The following FBXO32 variants were observed in gnomAD, a reference collection of about 807,000 sequenced individuals.
FBXO32 encodes the protein F-box only protein 32.
FBXO32 carries 15 observed loss-of-function variants against 48.3 expected under a neutral mutation model. The ratio of observed to expected loss-of-function variants is 0.31; its 90% confidence interval spans 0.21 to 0.48. The LOEUF (loss-of-function observed/expected upper bound fraction) is 0.48, where lower values mean the gene tolerates loss of function less well. FBXO32 is among the 20% of genes least tolerant of loss of function. The pLI is 0.99. For synonymous variants in FBXO32, 154 were observed against 165.9 expected (o/e 0.93, Z 0.55); for missense variants, 309 against 432.7 (o/e 0.71, Z 2.54).
rs779840594 is a variant in FBXO32, at chr8:123,514,348, A to G, written c.373-15T>C. 2.6e-5 allele frequency: 41 copies of G among 1,603,810 alleles called. No individual in the cohort carries two copies. Among genetic ancestry groups the G allele is most frequent in the Non-Finnish European group, 3.5e-5 (41 of 1,174,248 alleles). On this transcript the variant is annotated splice_polypyrimidine_tract_variant and intron_variant, in intron 4 of 8. Transcript: ENST00000517956. Reference sequence around the variant, plus strand: ...AGCTCCAACAGCTGAGGATAAAAATAGAAGTTGCCAGGCTTAGAGTACAGA... The same window carrying G: ...AGCTCCAACAGCTGAGGATAAAAATGGAAGTTGCCAGGCTTAGAGTACAGA...
intron 4 of FBXO32, among the ~76,000 whole-genome samples, chr8:123,529,806 A>G (rs1263204597): frequency 2.0e-5 from 3 of 152,224 alleles, no homozygotes; most frequent in African/African-American, 7.2e-5. Flanking sequence ...GATGAAATAG[A>G]TTTTCACTAT....
intron 4 of FBXO32, among the ~76,000 whole-genome samples, chr8:123,524,813 C>T (rs531471597): frequency 1.3e-5 from 2 of 152,212 alleles, no homozygotes; most frequent in African/African-American, 2.4e-5. Flanking sequence ...CCACCACGCC[C>T]GGCTCTGTGC....
rs1279128854 is a variant in FBXO32 at position 123,506,713 on chromosome 8, C to A, written c.652-139G>T. On this transcript the variant is annotated intron_variant, in intron 6 of 8. Coordinates refer to ENST00000517956, the MANE Select transcript of FBXO32 (RefSeq NM_058229.4). The surrounding 1 kb of genome is among the most constrained non-coding windows in gnomAD (Gnocchi z 4.0). ...TAAGAGGTCGAAAGCAGTAGTAAAT[C>A]TCCCCATCCTAAATGCAGACAGGAG... is the stretch of plus-strand genomic sequence containing the variant. 3.0e-6 allele frequency: 2 copies of A among 676,962 alleles called. No individual in the cohort carries two copies. The highest frequency in any genetic ancestry group is 5.1e-6 in the Non-Finnish European group (2 of 395,440). The allele number at this position is 676,962 out of a possible 1,614,324, so 41.9% of individuals were successfully genotyped here.
rs572552033 is a variant in FBXO32, at chr8:123,498,954, A to G, written c.*4419T>C. 8.5e-5 allele frequency: 13 copies of G among 152,296 alleles called. No individual in the cohort carries two copies. The highest frequency in any genetic ancestry group is 2.1e-4 in the South Asian group (1 of 4,828). 9.4% of individuals were successfully genotyped at this position (152,296 alleles called of 1,614,324 possible). On this transcript the variant is annotated 3_prime_UTR_variant, in exon 9 of 9. Coordinates refer to ENST00000517956, the MANE Select transcript of FBXO32 (RefSeq NM_058229.4). ...GGAAACGTTAACAGCCACATGCCCA[A>G]TGCTGGGCAGTCTCCCATGCCTTCC...
intron 7 of FBXO32, 101 bp from the exon 8 acceptor site, chr8:123,504,848 T>G: frequency 1.8e-6 from 2 of 1,095,542 alleles, no homozygotes; most frequent in African/African-American, 1.6e-5. Context: ...CCTTTCCCCC[T>G]CTTTTCAGCT....
At chr8:123,517,993 C>T (rs1175102441) in intron 4 of FBXO32, among the ~76,000 whole-genome samples, 1 of 152,180 alleles carries the variant, frequency 6.6e-6, no homozygotes, top group African/African-American at 2.4e-5. Flanking sequence ...GTAGCAACTA[C>T]TCCACCCTGA....
chr8:123,517,829 C>G (rs1816870446), intron 4 of FBXO32, among the ~76,000 whole-genome samples: 2 of 152,206 alleles, frequency 1.3e-5, no homozygotes, highest in South Asian at 4.2e-4. Flanking sequence ...CAGTAAATAC[C>G]AAACATAAGG....
chr8:123,513,333 G>A lies in FBXO32; in HGVS notation c.516C>T (p.Thr172=). ...NIRLIRELLQ[T]LYTSLCTLVQ... ...CCAGTGTACATAAGGATGTGTAGAGGGTCTGGAGTAGTTCCCTTATTAGTC... is the reference window on the plus strand; with the variant it reads ...CCAGTGTACATAAGGATGTGTAGAGAGTCTGGAGTAGTTCCCTTATTAGTC... The change falls in exon 6 of 9, where the codon ACC becomes ACT. Residue 172 remains threonine, a synonymous_variant. Coordinates refer to ENST00000517956, the MANE Select transcript of FBXO32 (RefSeq NM_058229.4). The surrounding 1 kb of genome is among the most constrained non-coding windows in gnomAD (Gnocchi z 4.3). The A allele has an allele frequency of 6.2e-7, 1 of 1,614,132 alleles. No homozygotes were observed. The highest frequency in any genetic ancestry group is 8.5e-7 in the Non-Finnish European group (1 of 1,179,990).
rs1367024266 is a variant in FBXO32 at position 123,534,766 on chromosome 8, C to G, written c.165G>C (p.Leu55=). The G allele has an allele frequency of 6.2e-7, 1 of 1,613,896 alleles. No homozygotes were observed. The highest frequency in any genetic ancestry group is 8.5e-7 in the Non-Finnish European group (1 of 1,179,896). ...VYNKENLFNS[L]NYDVAAKKRK... ...TCTTCTTGGCTGCAACATCATAGTT[C>G]AGGCTGTTGAAAAGATTCTCCTTAT... Residue 55 remains leucine (L), a synonymous_variant, in exon 2 of 9, where the codon CTG becomes CTC. Coordinates refer to ENST00000517956, the MANE Select transcript of FBXO32 (RefSeq NM_058229.4).
intron 4 of FBXO32, among the ~76,000 whole-genome samples, chr8:123,518,518 G>T (rs1260772734): frequency 6.6e-6 from 1 of 152,138 alleles, no homozygotes; most frequent in East Asian, 1.9e-4. Flanking sequence ...ACATTTAATA[G>T]CACCCTATCT....
At chr8:123,522,744 C>A (rs539187126) in intron 4 of FBXO32, among the ~76,000 whole-genome samples, 46 of 152,328 alleles carry the variant, frequency 3.0e-4, no homozygotes, top group African/African-American at 8.4e-4. Context: ...CTTGTCCCTG[C>A]AAAGCCTTCC....
At chr8:123,518,089 T>C (rs774885364) in intron 4 of FBXO32, among the ~76,000 whole-genome samples, 57 of 152,250 alleles carry the variant, frequency 3.7e-4, no homozygotes, top group African/African-American at 1.3e-3. Context: ...CAAAAGCAGG[T>C]GGAGGGCCAG....
At chr8:123,517,080 C>T (rs2130524563) in intron 4 of FBXO32, among the ~76,000 whole-genome samples, 1 of 152,232 alleles carries the variant, frequency 6.6e-6, no homozygotes, top group East Asian at 1.9e-4. Context: ...CTCACATGAC[C>T]AACATGAAGC....
At chr8:123,537,574 C>T (rs1275188601) in intron 1 of FBXO32, among the ~76,000 whole-genome samples, 1 of 152,040 alleles carries the variant, frequency 6.6e-6, no homozygotes, top group Non-Finnish European at 1.5e-5. Flanking sequence ...GTGACGTGCC[C>T]CCAGAGGTTT....
chr8:123,530,916 CT>C (rs904795067), intron 4 of FBXO32, among the ~76,000 whole-genome samples: 101 of 136,730 alleles, frequency 7.4e-4, no homozygotes, highest in South Asian at 2.3e-3. Context: ...TGCACCCAGC[CT>C]TTTTTTTTTT....
At chr8:123,531,072 C>A (rs1024110681) in intron 4 of FBXO32, among the ~76,000 whole-genome samples, 1 of 140,820 alleles carries the variant, frequency 7.1e-6, no homozygotes, top group Non-Finnish European at 1.5e-5. Flanking sequence ...GTCTGCCTCC[C>A]GGGTTCAAGC....
chr8:123,537,569 G>A (rs965135472), intron 1 of FBXO32, among the ~76,000 whole-genome samples: 23 of 151,956 alleles, frequency 1.5e-4, no homozygotes, highest in African/African-American at 4.6e-4. Flanking sequence ...AAGCTGTGAC[G>A]TGCCCCCAGA....
chr8:123,507,348 C>T (rs971870642), intron 6 of FBXO32, among the ~76,000 whole-genome samples: 2 of 152,076 alleles, frequency 1.3e-5, no homozygotes, highest in African/African-American at 4.8e-5. Context: ...GTGCCCAGCA[C>T]ACAGAAGGTG....
rs184742951 is a variant in FBXO32 at position 123,512,155 on chromosome 8, G to C, written c.651+1043C>G. The stretch of plus-strand genomic sequence containing the variant: ...CTTGCATCCGTGCTCTGCTCTGTGT[G>C]TGTGTCTGTGGGTGCAGCGTGTAGG... On this transcript the variant is annotated intron_variant, in intron 6 of 8. Transcript: ENST00000517956. Among the ~76,000 whole-genome samples the C allele has an allele frequency of 2.0e-5, 3 of 152,310 alleles. No homozygotes were observed. In the East Asian group the frequency reaches 5.8e-4, roughly 29 times the overall value.
Sources: allele counts gnomAD v4.1 joint callset (sites outside exome capture counted in the v4.1 genomes callset), GRCh38; gene constraint gnomAD v4.1.1; non-coding constraint Gnocchi (gnomAD v3.1); transcripts MANE v1.5; gene names NCBI Gene and HGNC (gene_info 2026-07-23, HGNC 2026-07-21).